The following VEGFA variants were observed in gnomAD, a reference collection of about 807,000 sequenced individuals.
VEGFA encodes the protein vascular endothelial growth factor A, also known as vascular endothelial growth factor A, long form.
A neutral mutation model predicts 49.7 loss-of-function variants in VEGFA; 20 were observed. The observed-to-expected ratio is 0.40, with a 90% CI of 0.28 to 0.58. The LOEUF is 0.58. VEGFA is among the 20% of genes least tolerant of loss of function. The probability of loss-of-function intolerance (pLI) is 0.40; values close to 1 mark genes in which losing one functional copy is unlikely to be tolerated. For synonymous variants in VEGFA, 219 were observed against 223.4 expected (o/e 0.98, Z 0.18); for missense variants, 505 against 553.5 (o/e 0.91, Z 0.88).
At chr6:43,781,350 C>A (rs745889641) in intron 6 of VEGFA, 10 of 261,630 alleles carry the variant, frequency 3.8e-5, no homozygotes, top group Non-Finnish European at 6.7e-5. Flanking sequence ...GAGGTGGGGC[C>A]TCTGGAGGGG....
rs1412676860 is a variant in VEGFA, at chr6:43,778,520, A to G, written c.916A>G (p.Asn306Asp). ...AGGAGAGATGAGCTTCCTACAGCAC[A>G]ACAAATGTGAATGCAGGTGAGGATG... The change falls in exon 4 of 8, where the codon AAC becomes GAC. Residue 306 changes from asparagine to aspartate, a missense_variant. Asn to Asp is a conservative substitution (Grantham distance 23). Coordinates refer to ENST00000672860, the MANE Select transcript of VEGFA (RefSeq NM_003376.6). The G allele has an allele frequency of 1.2e-5, 20 of 1,614,010 alleles. No individual in the cohort carries two copies. Among genetic ancestry groups the G allele is most frequent in the Non-Finnish European group, 1.7e-5 (20 of 1,179,964 alleles).
intron 5 of VEGFA, chr6:43,780,398 G>T: frequency 2.5e-6 from 1 of 398,116 alleles, no homozygotes; most frequent in Middle Eastern, 8.2e-4. Flanking sequence ...CCCCTGCCGG[G>T]GACTGGGAGC....
At position 43,784,680 on chromosome 6, in the gene VEGFA, C is replaced by G. The variant is rs376707517; in HGVS notation, c.*118C>G. ...GCTGCCGCCACCACACCATCACCATCGACAGAACAGTCCTTAATCCAGAAA... is the reference window on the plus strand; with the variant it reads ...GCTGCCGCCACCACACCATCACCATGGACAGAACAGTCCTTAATCCAGAAA... On this transcript the variant is annotated 3_prime_UTR_variant, in exon 8 of 8. Transcript: ENST00000672860. 6.4e-7 allele frequency: 1 copy of G among 1,552,702 alleles called. No individual in the cohort carries two copies.
rs753667339 is a variant in VEGFA at position 43,784,637 on chromosome 6, G to C, written c.*75G>C. ...TCACCAGGAAAGACTGATACAGAAC[G>C]ATCGATACAGAAACCACGCTGCCGC... On this transcript the variant is annotated 3_prime_UTR_variant, in exon 8 of 8. Transcript: ENST00000672860. 6.2e-7 allele frequency: 1 copy of C among 1,613,542 alleles called. No homozygotes were observed. Among genetic ancestry groups the C allele is most frequent in the South Asian group, 1.1e-5 (1 of 91,064 alleles).
rs1765673215 is a variant in VEGFA, at chr6:43,777,086, G to A, written c.659-383G>A. The A allele has an allele frequency of 5.6e-6, 2 of 356,212 alleles. No homozygotes were observed. Among genetic ancestry groups the A allele is most frequent in the East Asian group, 7.0e-5 (1 of 14,212 alleles). The allele number at this position is 356,212 out of a possible 1,614,324, so 22.1% of individuals were successfully genotyped here. On this transcript the variant is annotated intron_variant, in intron 2 of 7. Transcript: ENST00000672860. The surrounding 1 kb of genome is among the most constrained non-coding windows in gnomAD (Gnocchi z 4.3). ...GGAAACTGGAGACTAGCTTGGCAAA[G>A]CTGGCTCTTCCTCCTTTTAGGGAAA...
intron 4 of VEGFA, 140 bp downstream of exon 4, chr6:43,778,676 C>A: frequency 9.5e-7 from 1 of 1,049,572 alleles, no homozygotes; most frequent in Non-Finnish European, 1.5e-6. Flanking sequence ...CAATGTGCCT[C>A]AGTTTCTACA....
rs1047434826 is a variant in VEGFA, at chr6:43,784,071, G to T, written c.1167-470G>T. On this transcript the variant is annotated intron_variant, in intron 7 of 7. Transcript: ENST00000672860. ...ACCCGGCCAAGCCTCTCTGCCTCAG[G>T]CGTTCTCCCAGAAGATCTGCCCACT... The T allele has an allele frequency of 1.0e-4, 23 of 222,916 alleles. No individual in the cohort carries two copies. In the Admixed American group the frequency reaches 1.2e-3, roughly 12 times the overall value. The allele number at this position is 222,916 out of a possible 1,614,324, so 13.8% of individuals were successfully genotyped here.
chr6:43,779,206 G>A, intron 5 of VEGFA: 1 of 558,852 alleles, frequency 1.8e-6, no homozygotes, highest in East Asian at 3.1e-5. Flanking sequence ...GTGTGTCAGG[G>A]GGCACTGTGG....
At position 43,785,436 on chromosome 6, in the gene VEGFA, C is replaced by T; in HGVS notation, c.*874C>T. ...CTGGAAGATTCAGGAGCCTGGGCGG[C>T]CTTCGCTTACTCTCACCTGCTTCTG... On this transcript the variant is annotated 3_prime_UTR_variant, in exon 8 of 8. Coordinates refer to ENST00000672860, the MANE Select transcript of VEGFA (RefSeq NM_003376.6). The T allele has an allele frequency of 4.5e-6, 1 of 220,164 alleles. No homozygotes were observed. Among genetic ancestry groups the T allele is most frequent in the Non-Finnish European group, 9.1e-6 (1 of 109,594 alleles). The allele number at this position is 220,164 out of a possible 1,614,324, so 13.6% of individuals were successfully genotyped here.
At position 43,781,921 on chromosome 6, in the gene VEGFA, C is replaced by T. The variant is rs756482458; in HGVS notation, c.1035-35C>T. 8 of 1,612,606 alleles carry T rather than the reference C, an allele frequency of 5.0e-6. No individual in the cohort carries two copies. The South Asian group carries it at 8.8e-5, about 18-fold the overall frequency. On this transcript the variant is annotated intron_variant, in intron 6 of 7. Transcript: ENST00000672860. ...TTTTTTCTCTCTCTCTGCTGATGCT[C>T]TAGCTTAGATGTCTTTCCTTTTGCC...
chr6:43,771,198 C>G lies in VEGFA; in HGVS notation c.492C>G (p.Ser164Arg), dbSNP rs1230026567. The G allele has an allele frequency of 3.8e-6, 6 of 1,599,108 alleles. No individual in the cohort carries two copies. Among genetic ancestry groups the G allele is most frequent in the Non-Finnish European group, 5.1e-6 (6 of 1,175,434 alleles). ...AGAGCGGGCCGCCCCACAGCCCGAG[C>G]CGGAGAGGGAGCGCGAGCCGCGCCG... The change falls in exon 1 of 8, where the codon AGC becomes AGG. Residue 164 changes from serine (S) to arginine (R), a missense_variant. Physicochemically the swap from Ser to Arg is moderately radical, Grantham distance 110. Transcript: ENST00000672860.
chr6:43,784,858 C>T lies in VEGFA; in HGVS notation c.*296C>T, dbSNP rs533046584. ...TTTCTTGCTGCTAAATCACCGAGCC[C>T]GGAAGATTAGAGAGTTTTATTTCTG... On this transcript the variant is annotated 3_prime_UTR_variant, in exon 8 of 8. Transcript: ENST00000672860. The T allele has an allele frequency of 6.9e-5, 40 of 576,128 alleles. No homozygotes were observed. The highest frequency in any genetic ancestry group is 5.1e-4 in the Admixed American group (18 of 35,072). 35.7% of individuals were successfully genotyped at this position (576,128 alleles called of 1,614,324 possible). A position where few individuals can be genotyped will look rare whatever the true frequency, so the allele number is the denominator to read the frequency against.
Position 43,771,185 on chromosome 6 carries a change from C to G in VEGFA, c.479C>G (p.Pro160Arg), listed in dbSNP as rs760903464. 11 of 1,592,912 alleles carry G rather than the reference C, an allele frequency of 6.9e-6. No individual in the cohort carries two copies. In the African/African-American group the frequency reaches 1.2e-4, roughly 18 times the overall value. ...CGAGGCGCCGAGGAGAGCGGGCCGC[C>G]CCACAGCCCGAGCCGGAGAGGGAGC... Residue 160 changes from proline to arginine, a missense_variant, in exon 1 of 8, where the codon CCC becomes CGC. Physicochemically the swap from Pro to Arg is moderately radical, Grantham distance 103 (BLOSUM62 -2). This residue lies in a region of VEGFA where 340 missense variants were observed against 321.8 expected (regional missense o/e 1.06). Transcript: ENST00000672860.
At chr6:43,779,909 C>G in intron 5 of VEGFA, 1 of 333,402 alleles carries the variant, frequency 3.0e-6, no homozygotes. Flanking sequence ...TCCTGTTTCC[C>G]CAAATGACTG....
intron 1 of VEGFA, chr6:43,774,050 A>G (rs1187183926): frequency 1.9e-6 from 1 of 528,600 alleles, no homozygotes; most frequent in African/African-American, 1.9e-5. Flanking sequence ...GGTACAGGGG[A>G]CCTCGACAGT....
chr6:43,774,374 G>T lies in VEGFA; in HGVS notation c.640G>T (p.Gly214Trp). 6.2e-7 allele frequency: 1 copy of T among 1,614,226 alleles called. No homozygotes were observed. Among genetic ancestry groups the T allele is most frequent in the South Asian group, 1.1e-5 (1 of 91,090 alleles). Residue 214 changes from glycine to tryptophan, a missense_variant, in exon 2 of 8, where the codon GGG becomes TGG. Around this residue, in one of 2 missense-constraint regions of VEGFA, gnomAD observed 340 missense variants for 321.8 expected, o/e 1.06. Coordinates refer to ENST00000672860, the MANE Select transcript of VEGFA (RefSeq NM_003376.6). Reference sequence around the variant, plus strand: ...GGCTGCACCCATGGCAGAAGGAGGAGGGCAGAATCATCACGAAGGTGAGTC... The same window carrying T: ...GGCTGCACCCATGGCAGAAGGAGGATGGCAGAATCATCACGAAGGTGAGTC...
Position 43,770,884 on chromosome 6 carries a change from G to A in VEGFA, c.178G>A (p.Gly60Ser). Residue 60 changes from glycine to serine, a missense_variant, in exon 1 of 8, where the codon GGC (glycine) becomes AGC (serine). This residue lies in a region of VEGFA where 340 missense variants were observed against 321.8 expected (regional missense o/e 1.06). Coordinates refer to ENST00000672860, the MANE Select transcript of VEGFA (RefSeq NM_003376.6). ...ACTGAAACTTTTCGTCCAACTTCTG[G>A]GCTGTTCTCGCTTCGGAGGAGCCGT... 6.5e-7 allele frequency: 1 copy of A among 1,544,640 alleles called. No homozygotes were observed. The highest frequency in any genetic ancestry group is 8.7e-7 in the Non-Finnish European group (1 of 1,145,448).
chr6:43,782,160 G>A (rs1768029613), intron 7 of VEGFA, 73 bp downstream of exon 7: 2 of 1,594,556 alleles, frequency 1.3e-6, no homozygotes, highest in Non-Finnish European at 1.7e-6. Context: ...GAGAAAGAGA[G>A]TGAGCGAGCG....
Position 43,771,102 on chromosome 6 carries a change from C to T in VEGFA, c.396C>T (p.Ala132=). 2.0e-6 allele frequency: 3 copies of T among 1,466,952 alleles called. No individual in the cohort carries two copies. The highest frequency in any genetic ancestry group is 2.7e-6 in the Non-Finnish European group (3 of 1,113,924). The allele number at this position is 1,466,952 out of a possible 1,614,324, so 90.9% of individuals were successfully genotyped here. A position where few individuals can be genotyped will look rare whatever the true frequency, so the allele number is the denominator to read the frequency against. Residue 132 remains alanine, a synonymous_variant, in exon 1 of 8, where the codon GCC becomes GCT. Transcript: ENST00000672860. ...CGGTGTGCGCAGACAGTGCTCCAGC[C>T]GCGCGCGCTCCCCAGGCCCTGGCCC...
Sources: gnomAD v4.1 joint callset for allele counts on GRCh38, gnomAD v4.1.1 for gene constraint, gnomAD v4.1.1 regional missense constraint, Gnocchi (gnomAD v3.1) non-coding constraint, MANE v1.5 for transcripts, NCBI Gene and HGNC (gene_info 2026-07-23, HGNC 2026-07-21) for gene names.